Variants in PLOD2 observed in about 807,000 individuals in gnomAD.
PLOD2 encodes lysine hydroxylase 2.
Under a neutral mutation model 101.0 loss-of-function variants are expected in PLOD2, and 65 were observed. The observed-to-expected ratio is 0.64, with a 90% CI of 0.53 to 0.79. PLOD2 has a LOEUF of 0.79. PLOD2 is among the 30% of genes least tolerant of loss of function. The pLI, the probability that PLOD2 is intolerant of heterozygous loss-of-function variation, is 0.00. For synonymous variants in PLOD2, 314 were observed against 302.9 expected (o/e 1.04, Z -0.38); for missense variants, 909 against 914.6 (o/e 0.99, Z 0.08).
At chr3:146,072,724 AAT>A (rs1936192918) in intron 16 of PLOD2, 59 bp from the exon 17 acceptor site, 3 of 1,031,668 alleles carry the variant, frequency 2.9e-6, no homozygotes, top group Admixed American at 3.5e-5. Flanking sequence ...AATAGTCTAA[AAT>A]AGTTATTTTA....
At chr3:146,089,105 T>A (rs2108024855) in intron 8 of PLOD2, among the ~76,000 whole-genome samples, 1 of 151,776 alleles carries the variant, frequency 6.6e-6, no homozygotes, top group East Asian at 1.9e-4. Flanking sequence ...TTTCTCTTTT[T>A]GTTTCCTCGG....
chr3:146,075,016 C>A lies in PLOD2; in HGVS notation c.1678-1664G>T, dbSNP rs368292297. ...CAATTCAGGATATAATTCAGGATATCTGACCAGGAACCTAATGTCACCCAA... is the reference window on the plus strand; with the variant it reads ...CAATTCAGGATATAATTCAGGATATATGACCAGGAACCTAATGTCACCCAA... On this transcript the variant is annotated intron_variant, in intron 15 of 19. Transcript: ENST00000282903. Among the ~76,000 whole-genome samples, 4 of 151,656 alleles carry A rather than the reference C, an allele frequency of 2.6e-5. No individual in the cohort carries two copies. In the East Asian group the frequency reaches 7.8e-4, roughly 29 times the overall value.
chr3:146,103,788 A>G (rs374403669), intron 6 of PLOD2, among the ~76,000 whole-genome samples: 1 of 151,384 alleles, frequency 6.6e-6, no homozygotes, highest in East Asian at 1.9e-4. Context: ...ATATGTATCT[A>G]TAATACACAG....
chr3:146,094,752 C>T (rs911310241), intron 7 of PLOD2, among the ~76,000 whole-genome samples: 7 of 151,996 alleles, frequency 4.6e-5, no homozygotes, highest in African/African-American at 1.2e-4. Context: ...AAAAAGAGCC[C>T]GTATAGCCAA....
At chr3:146,080,719 C>A (rs975873855) in intron 12 of PLOD2, among the ~76,000 whole-genome samples, 3 of 152,058 alleles carry the variant, frequency 2.0e-5, no homozygotes, top group Non-Finnish European at 2.9e-5. Flanking sequence ...TGTGATGTGC[C>A]CAAAGATACA....
At chr3:146,148,302 CTAAT>C (rs917551995) in intron 1 of PLOD2, among the ~76,000 whole-genome samples, 29 of 144,150 alleles carry the variant, frequency 2.0e-4, no homozygotes, top group African/African-American at 7.2e-4. Flanking sequence ...TAATAGATAT[CTAAT>C]TATTTATACA....
At chr3:146,144,029 G>A (rs1269185748) in intron 1 of PLOD2, among the ~76,000 whole-genome samples, 2 of 152,076 alleles carry the variant, frequency 1.3e-5, no homozygotes, top group Non-Finnish European at 2.9e-5. Context: ...GGTCCCCGCT[G>A]CCTGTAATCC....
intron 13 of PLOD2, among the ~76,000 whole-genome samples, chr3:146,078,603 C>G (rs1936424458): frequency 6.6e-6 from 1 of 151,762 alleles, no homozygotes. Flanking sequence ...AGTAAATACA[C>G]TATGTATCTC....
Position 146,141,929 on chromosome 3 carries a change from G to A in PLOD2, c.110-17700C>T, listed in dbSNP as rs138616359. ...TTATGAAAAAAATTGTGAGGAATTC[G>A]CCCTAAAACTGAGGACAAATGAGTT... On this transcript the variant is annotated intron_variant, in intron 1 of 19. Coordinates refer to ENST00000282903, the MANE Select transcript of PLOD2 (RefSeq NM_182943.3). Among the ~76,000 whole-genome samples, 88 of 152,160 alleles carry A rather than the reference G, an allele frequency of 5.8e-4. 1 individual carries two copies. The highest frequency in any genetic ancestry group is 2.1e-3 in the African/African-American group (86 of 41,540).
chr3:146,134,181 A>G (rs548730611), intron 1 of PLOD2, among the ~76,000 whole-genome samples: 57 of 152,322 alleles, frequency 3.7e-4, no homozygotes, highest in African/African-American at 1.4e-3. Flanking sequence ...GTGGAAATAG[A>G]GAAGGGAATT....
chr3:146,126,608 C>T (rs1302870601), intron 1 of PLOD2, among the ~76,000 whole-genome samples: 1 of 151,756 alleles, frequency 6.6e-6, no homozygotes, highest in Non-Finnish European at 1.5e-5. Flanking sequence ...TTTATGTAAT[C>T]GATGGCAAAA....
intron 3 of PLOD2, among the ~76,000 whole-genome samples, chr3:146,120,719 A>C (rs753364686): frequency 3.3e-5 from 5 of 152,262 alleles, no homozygotes; most frequent in East Asian, 1.9e-4. Context: ...TTAAAACAAT[A>C]ATTCCTTGTC....
At chr3:146,081,000 A>G (rs2029137) in intron 12 of PLOD2, among the ~76,000 whole-genome samples, 78,385 of 151,724 alleles carry the variant, frequency 0.52, 20,367 homozygotes, top group Middle Eastern at 0.56. Context: ...TCCTGAGAGT[A>G]TACTGCCCCT....
chr3:146,073,329 GT>G lies in PLOD2; in HGVS notation c.1700del (p.Asn567ThrfsTer12). On this transcript the variant is annotated frameshift_variant, in exon 16 of 20. Transcript: ENST00000282903. LOFTEE classifies it high-confidence loss of function. Reference sequence around the variant, plus strand: ...CAGTGAAAATCTTTGAATAATCACGGTTTATATACTTTTCCTTCCAGTCCTA... The same window carrying G: ...CAGTGAAAATCTTTGAATAATCACGGTTATATACTTTTCCTTCCAGTCCTA... ...NPVDWKEKYI[N>X]RDYSKIFTEN... 8.2e-7 allele frequency: 1 copy of G among 1,220,572 alleles called. No individual in the cohort carries two copies. The highest frequency in any genetic ancestry group is 1.2e-6 in the Non-Finnish European group (1 of 843,696). The allele number at this position is 1,220,572 out of a possible 1,614,324, so 75.6% of individuals were successfully genotyped here. A position where few individuals can be genotyped will look rare whatever the true frequency, so the allele number is the denominator to read the frequency against.
intron 1 of PLOD2, among the ~76,000 whole-genome samples, chr3:146,150,449 A>G (rs1396737985): frequency 3.3e-5 from 5 of 152,176 alleles, no homozygotes; most frequent in Admixed American, 6.5e-5. Flanking sequence ...GCTGGAGGCT[A>G]TTATCCTTAG....
chr3:146,080,766 A>G (rs1434532188), intron 12 of PLOD2, among the ~76,000 whole-genome samples: 3 of 152,164 alleles, frequency 2.0e-5, no homozygotes, highest in East Asian at 3.8e-4. Context: ...CCCAGAGTCA[A>G]TACAACTGCA....
intron 1 of PLOD2, among the ~76,000 whole-genome samples, chr3:146,157,421 T>C (rs1177127433): frequency 6.6e-6 from 1 of 152,138 alleles, no homozygotes; most frequent in Non-Finnish European, 1.5e-5. Flanking sequence ...GGAGAAGAAT[T>C]TCCTAGGAGC....
chr3:146,150,023 C>T (rs2031983899), intron 1 of PLOD2, among the ~76,000 whole-genome samples: 1 of 152,094 alleles, frequency 6.6e-6, no homozygotes, highest in African/African-American at 2.4e-5. Context: ...AAGATGCAAA[C>T]ACATGTAGAA....
intron 6 of PLOD2, among the ~76,000 whole-genome samples, chr3:146,103,281 G>T (rs1937455178): frequency 6.6e-6 from 1 of 152,118 alleles, no homozygotes; most frequent in African/African-American, 2.4e-5. Flanking sequence ...TATGCATGGT[G>T]AGTAGAATAT....
Sources: allele counts gnomAD v4.1 joint callset (sites outside exome capture counted in the v4.1 genomes callset), GRCh38; gene constraint gnomAD v4.1.1; transcripts MANE v1.5; gene names NCBI Gene and HGNC (gene_info 2026-07-23, HGNC 2026-07-21).